Variants in TCF7L2 observed in about 807,000 individuals in gnomAD.
The protein encoded by TCF7L2 is transcription factor 7-like 2.
A neutral mutation model predicts 77.9 loss-of-function variants in TCF7L2; 23 were observed. That is an observed-to-expected ratio of 0.30 (90% CI 0.21 to 0.42). TCF7L2 has a LOEUF of 0.42. Ranked by LOEUF, TCF7L2 falls within the 10% of genes least tolerant of loss-of-function variation. The pLI is 1.00. For synonymous variants in TCF7L2, 413 were observed against 340.2 expected, an observed-to-expected ratio of 1.21 and a Z score of -2.36; for missense variants, 654 against 793.1, an observed-to-expected ratio of 0.82 and a Z score of 2.11.
At position 112,992,228 on chromosome 10, in the gene TCF7L2, C is replaced by T. The variant is rs934280124; in HGVS notation, c.450+27604C>T. Among the ~76,000 whole-genome samples, 5 of 152,146 alleles carry T rather than the reference C, an allele frequency of 3.3e-5. No homozygotes were observed. The East Asian group carries it at 5.8e-4, about 18-fold the overall frequency. On this transcript the variant is annotated intron_variant, in intron 4 of 13. Transcript: ENST00000627217. Reference sequence around the variant, plus strand: ...TCCCTCCAGGACACCCCTTGCCAAGCGCAGAGAAAGCTCTGCCCATCCGTC... The same window carrying T: ...TCCCTCCAGGACACCCCTTGCCAAGTGCAGAGAAAGCTCTGCCCATCCGTC...
chr10:113,163,663 A>C (rs1219082265), intron 13 of TCF7L2, among the ~76,000 whole-genome samples: 1 of 152,084 alleles, frequency 6.6e-6, no homozygotes, highest in African/African-American at 2.4e-5. Context: ...ACTCTCTCCC[A>C]GGGAGAAAAA....
In TCF7L2 at chr10:113,069,038, T is replaced by G. The variant is rs149642574; in HGVS notation, c.552+28912T>G. On this transcript the variant is annotated intron_variant, in intron 5 of 13. Coordinates refer to ENST00000627217, the MANE Select transcript of TCF7L2 (RefSeq NM_001146274.2). The stretch of plus-strand genomic sequence containing the variant: ...CTGTTCATCCTTGACATGGGTGTCC[T>G]GGGGTCAGGTGTTTCCTCTGGCCCA... Among the ~76,000 whole-genome samples, 297 of 152,106 alleles carry G rather than the reference T, an allele frequency of 2.0e-3. 3 individuals are homozygous for G. Among genetic ancestry groups the G allele is most frequent in the African/African-American group, 6.8e-3 (282 of 41,488 alleles).
rs571755672 is a variant in TCF7L2, at chr10:113,034,310, A to G, written c.451-5715A>G. On this transcript the variant is annotated intron_variant, in intron 4 of 13. Coordinates refer to ENST00000627217, the MANE Select transcript of TCF7L2 (RefSeq NM_001146274.2). The stretch of plus-strand genomic sequence containing the variant: ...GATCGTCTTTCCTTTTGTAAAGTGT[A>G]ATGATATGAGAATCATAATCGTGGT... Among the ~76,000 whole-genome samples, 13 of 152,248 alleles carry G rather than the reference A, an allele frequency of 8.5e-5. No individual in the cohort carries two copies. The East Asian group carries it at 2.3e-3, about 27-fold the overall frequency.
chr10:113,021,521 A>G (rs1371309518), intron 4 of TCF7L2, among the ~76,000 whole-genome samples: 1 of 152,226 alleles, frequency 6.6e-6, no homozygotes, highest in Non-Finnish European at 1.5e-5. Flanking sequence ...CGCTTGCCAT[A>G]TGCTGGGTGT....
At chr10:113,058,397 A>T (rs1462277635) in intron 5 of TCF7L2, among the ~76,000 whole-genome samples, 10 of 152,150 alleles carry the variant, frequency 6.6e-5, no homozygotes, top group Non-Finnish European at 1.3e-4. Flanking sequence ...CAATGGGAAG[A>T]TGGCCAAATG....
chr10:112,990,654 C>G (rs1041558650), intron 4 of TCF7L2, among the ~76,000 whole-genome samples: 1 of 151,850 alleles, frequency 6.6e-6, no homozygotes. Flanking sequence ...TGCAGTGAGC[C>G]GTGATTGTGC....
At chr10:113,146,194 A>G (rs2136996102) in intron 8 of TCF7L2, 97 bp downstream of exon 8, 3 of 1,101,738 alleles carry the variant, frequency 2.7e-6, no homozygotes, top group Middle Eastern at 4.0e-4. Context: ...CCACAGCTAC[A>G]TGTAGTTCTA....
chr10:112,972,909 A>G (rs1048949562), intron 4 of TCF7L2, among the ~76,000 whole-genome samples: 2 of 152,230 alleles, frequency 1.3e-5, no homozygotes, highest in African/African-American at 4.8e-5. Flanking sequence ...GCCAATTAGG[A>G]TTCAAACCCA....
chr10:112,984,572 A>G (rs763090921), intron 4 of TCF7L2, among the ~76,000 whole-genome samples: 2 of 152,014 alleles, frequency 1.3e-5, no homozygotes, highest in Non-Finnish European at 2.9e-5. Flanking sequence ...CCTCTAAAAA[A>G]AAATTAATAC....
chr10:113,097,478 C>T (rs1230270446), intron 5 of TCF7L2, among the ~76,000 whole-genome samples: 2 of 151,470 alleles, frequency 1.3e-5, no homozygotes, highest in Non-Finnish European at 2.9e-5. Context: ...CATGGTAAAA[C>T]CCCATCTCTA....
intron 4 of TCF7L2, among the ~76,000 whole-genome samples, chr10:113,002,972 G>A (rs868014267): frequency 2.6e-5 from 4 of 152,062 alleles, no homozygotes; most frequent in South Asian, 2.1e-4. Flanking sequence ...ATATGTGTGC[G>A]TGTATGCACA....
At chr10:113,014,094 G>A (rs762689355) in intron 4 of TCF7L2, among the ~76,000 whole-genome samples, 2 of 152,328 alleles carry the variant, frequency 1.3e-5, no homozygotes, top group Admixed American at 1.3e-4. Context: ...AGGGGTAGAC[G>A]CACCAAGGGC....
At chr10:113,028,028 T>C (rs1382442518) in intron 4 of TCF7L2, among the ~76,000 whole-genome samples, 1 of 152,210 alleles carries the variant, frequency 6.6e-6, no homozygotes, top group East Asian at 1.9e-4. Flanking sequence ...CTTCATCTTT[T>C]ACTGTGCCTA....
In TCF7L2 at chr10:113,151,218, C is replaced by T; in HGVS notation, c.1001+95C>T. ...TGGTGGCTTTCTGCCTAAGGTTGGC[C>T]TCGTTTGGTTTGACTGCAGCCAATA... On this transcript the variant is annotated intron_variant, in intron 9 of 13. Transcript: ENST00000627217. This position sits in a 1 kb window ranked among gnomAD's most constrained non-coding sequence, Gnocchi z 5.2. 6.4e-7 allele frequency: 1 copy of T among 1,570,648 alleles called. No individual in the cohort carries two copies. Among genetic ancestry groups the T allele is most frequent in the Non-Finnish European group, 8.7e-7 (1 of 1,153,328 alleles).
chr10:112,984,539 C>T (rs1424964922), intron 4 of TCF7L2, among the ~76,000 whole-genome samples: 1 of 151,960 alleles, frequency 6.6e-6, no homozygotes, highest in Non-Finnish European at 1.5e-5. Flanking sequence ...TTGCATAGCC[C>T]CCCACCCCTT....
At position 112,950,864 on chromosome 10, in the gene TCF7L2, G is replaced by T. The variant is rs933475716; in HGVS notation, c.108G>T (p.Ser36=). 1 of 1,611,268 alleles carries T rather than the reference G, an allele frequency of 6.2e-7. No individual in the cohort carries two copies. The highest frequency in any genetic ancestry group is 8.5e-7 in the Non-Finnish European group (1 of 1,178,958). ...AGGAGAAGAGCTCCGAAAACTCCTCGGCAGAGAGGGATTTAGCTGATGTCA... is the reference window on the plus strand; with the variant it reads ...AGGAGAAGAGCTCCGAAAACTCCTCTGCAGAGAGGGATTTAGCTGATGTCA... Residue 36 remains serine, a synonymous_variant, in exon 1 of 14, where the codon TCG becomes TCT. Transcript: ENST00000627217.
Position 113,029,421 on chromosome 10 carries a change from G to A in TCF7L2, c.451-10604G>A, listed in dbSNP as rs547718330. Among the ~76,000 whole-genome samples, 154 of 152,118 alleles carry A rather than the reference G, an allele frequency of 1.0e-3. 1 individual carries two copies. The highest frequency in any genetic ancestry group is 3.7e-3 in the African/African-American group (153 of 41,494). ...GGAAAAATTGCTTGTTTCCCAAGAA[G>A]CTTTGGAGGATATGATTTTGTATAG... is the stretch of plus-strand genomic sequence containing the variant. On this transcript the variant is annotated intron_variant, in intron 4 of 13. Transcript: ENST00000627217.
At chr10:113,165,449 G>A in intron 13 of TCF7L2, 106 bp from the exon 15 acceptor site, 1 of 1,297,584 alleles carries the variant, frequency 7.7e-7, no homozygotes, top group East Asian at 2.3e-5. Context: ...TGCCACCTCT[G>A]TGGGACATCC....
At chr10:113,091,890 T>A (rs2060445409) in intron 5 of TCF7L2, among the ~76,000 whole-genome samples, 1 of 152,218 alleles carries the variant, frequency 6.6e-6, no homozygotes, top group Non-Finnish European at 1.5e-5. Flanking sequence ...GGCCCCCTTT[T>A]CTCTGCATTA....
Sources: allele counts gnomAD v4.1 joint callset (sites outside exome capture counted in the v4.1 genomes callset), GRCh38; gene constraint gnomAD v4.1.1; non-coding constraint Gnocchi (gnomAD v3.1); transcripts MANE v1.5; gene names NCBI Gene and HGNC (gene_info 2026-07-23, HGNC 2026-07-21).